Variants in TAF6L observed in about 807,000 individuals in gnomAD.
TAF6L encodes the protein TATA-box binding protein associated factor 6 like, also known as TAF6-like RNA polymerase II p300/CBP-associated factor-associated factor 65 kDa subunit 6L.
In TAF6L, 34 loss-of-function variants were observed where a neutral mutation model predicts 57.3. The observed-to-expected ratio is 0.59, with a 90% confidence interval of 0.45 to 0.79. The LOEUF is 0.79. Among genes scored for constraint, TAF6L ranks in the 30% least tolerant of loss-of-function variants. The probability of loss-of-function intolerance (pLI) is 0.00; values close to 1 mark genes in which losing one functional copy is unlikely to be tolerated. For missense variants in TAF6L, 782 were observed against 853.2 expected, an observed-to-expected ratio of 0.92 and a Z score of 1.04; for synonymous variants, 417 against 376.3, an observed-to-expected ratio of 1.11 and a Z score of -1.25.
Position 62,786,575 on chromosome 11 carries a change from G to C in TAF6L, c.1148G>C (p.Gly383Ala). The change falls in exon 11 of 11, where the codon GGC becomes GCC. Residue 383 changes from glycine (G) to alanine (A), a missense_variant. Physicochemically the swap from Gly to Ala is moderately conservative, Grantham distance 60. Around this residue, in one of 3 missense-constraint regions of TAF6L, gnomAD observed 483 missense variants for 445.1 expected, o/e 1.09. Transcript: ENST00000294168. ...CAGGCAGCAGAGCCCAACAGGGGTGGCCCAGGTGGCAGGGGGTGCCGGCGC... is the reference window on the plus strand; with the variant it reads ...CAGGCAGCAGAGCCCAACAGGGGTGCCCCAGGTGGCAGGGGGTGCCGGCGC... ...KAQAAEPNRG[G>A]PGGRGCRRLD... The C allele has an allele frequency of 6.4e-7, 1 of 1,570,928 alleles. No homozygotes were observed.
In TAF6L at chr11:62,786,319, G is replaced by A. The variant is rs1340823915; in HGVS notation, c.1020G>A (p.Val340=). 3 of 1,614,080 alleles carry A rather than the reference G, an allele frequency of 1.9e-6. No individual in the cohort carries two copies. The highest frequency in any genetic ancestry group is 1.6e-4 in the Middle Eastern group (1 of 6,084). The change falls in exon 10 of 11, where the codon GTG becomes GTA. Residue 340 remains valine (V), a synonymous_variant. Coordinates refer to ENST00000294168, the MANE Select transcript of TAF6L (RefSeq NM_006473.4). ...LSTYWTNLQA[V]LDDYSVSNAQ... ...CCTACTGGACAAACTTGCAGGCTGTGCTGGATGATTATTCAGTATCTAATG... is the reference window on the plus strand; with the variant it reads ...CCTACTGGACAAACTTGCAGGCTGTACTGGATGATTATTCAGTATCTAATG...
At chr11:62,783,935 T>C (rs1473068218) in intron 9 of TAF6L, among the ~76,000 whole-genome samples, 1 of 148,742 alleles carries the variant, frequency 6.7e-6, no homozygotes, top group Non-Finnish European at 1.5e-5. Flanking sequence ...TAAGTTCTAT[T>C]TGTTGCTTTT....
Position 62,786,329 on chromosome 11 carries a change from T to G in TAF6L, c.1030T>G (p.Tyr344Asp), listed in dbSNP as rs1346339751. Residue 344 changes from tyrosine to aspartate, a missense_variant, in exon 10 of 11, where the codon TAT (tyrosine) becomes GAT (aspartate). By Grantham distance (160) the Tyr-to-Asp change is radical (BLOSUM62 -3). This residue lies in a region of TAF6L where 483 missense variants were observed against 445.1 expected (regional missense o/e 1.09). Coordinates refer to ENST00000294168, the MANE Select transcript of TAF6L (RefSeq NM_006473.4). Reference protein sequence around the residue: ...WTNLQAVLDDYSVSNAQVKAD... With the variant: ...WTNLQAVLDDDSVSNAQVKAD... ...AAACTTGCAGGCTGTGCTGGATGAT[T>G]ATTCAGTATCTAATGCCCAGGTCAA... The G allele has an allele frequency of 2.5e-6, 4 of 1,614,196 alleles. No homozygotes were observed. The highest frequency in any genetic ancestry group is 3.4e-6 in the Non-Finnish European group (4 of 1,180,020).
intron 6 of TAF6L, among the ~76,000 whole-genome samples, chr11:62,780,381 G>T (rs1236825731): frequency 4.6e-5 from 7 of 151,822 alleles, no homozygotes; most frequent in African/African-American, 1.7e-4. Context: ...TGTGGTGGTG[G>T]ACGCCTGTAA....
chr11:62,779,770 A>G (rs1284455089), intron 6 of TAF6L, among the ~76,000 whole-genome samples: 1 of 151,014 alleles, frequency 6.6e-6, no homozygotes, highest in Non-Finnish European at 1.5e-5. Flanking sequence ...GGTTCAAGCA[A>G]TTCTCCCACC....
At chr11:62,783,003 C>G (rs538182991) in intron 9 of TAF6L, among the ~76,000 whole-genome samples, 178 bp downstream of exon 9, 1 of 152,224 alleles carries the variant, frequency 6.6e-6, no homozygotes, top group Non-Finnish European at 1.5e-5. Flanking sequence ...CTTATCCTTT[C>G]GAAAGTCCTA....
chr11:62,774,576 T>C (rs1237470655), intron 1 of TAF6L: 1 of 454,632 alleles, frequency 2.2e-6, no homozygotes, highest in South Asian at 1.6e-5. Flanking sequence ...ATGCATCACT[T>C]TGGCGCACGG....
At chr11:62,784,885 T>A (rs1196624233) in intron 9 of TAF6L, among the ~76,000 whole-genome samples, 1 of 152,202 alleles carries the variant, frequency 6.6e-6, no homozygotes, top group Non-Finnish European at 1.5e-5. Flanking sequence ...AAATTAAACA[T>A]GTTTCCTCTC....
At position 62,781,875 on chromosome 11, in the gene TAF6L, T is replaced by C; in HGVS notation, c.532-19T>C. The C allele has an allele frequency of 6.2e-7, 1 of 1,613,020 alleles. No individual in the cohort carries two copies. Among genetic ancestry groups the C allele is most frequent in the Admixed American group, 1.7e-5 (1 of 60,002 alleles). ...CAATTTTCTGGTGGATCCAATGCAG[T>C]CTGGGCCCTTCCTTTTAGGTTGCAC... is the stretch of plus-strand genomic sequence containing the variant. On this transcript the variant is annotated intron_variant, in intron 6 of 10. Coordinates refer to ENST00000294168, the MANE Select transcript of TAF6L (RefSeq NM_006473.4).
intron 9 of TAF6L, among the ~76,000 whole-genome samples, chr11:62,784,858 G>A (rs182224407): frequency 8.5e-5 from 13 of 152,200 alleles, no homozygotes; most frequent in Admixed American, 8.5e-4. Flanking sequence ...TTTTAAAAGG[G>A]TTTATATTCA....
intron 8 of TAF6L, 73 bp downstream of exon 8, chr11:62,782,406 A>C: frequency 1.3e-6 from 2 of 1,501,470 alleles, no homozygotes; most frequent in Non-Finnish European, 1.8e-6. Context: ...AAATGGGGCG[A>C]AGCCTCTGGC....
intron 5 of TAF6L, 39 bp from the exon 6 acceptor site, chr11:62,778,830 C>A (rs912411368): frequency 2.6e-6 from 4 of 1,563,392 alleles, no homozygotes; most frequent in Non-Finnish European, 3.5e-6. Flanking sequence ...AGAGGGCCAG[C>A]TCTCCACCTG....
Position 62,786,288 on chromosome 11 carries a change from T to A in TAF6L, c.989T>A (p.Leu330Gln). 6.2e-7 allele frequency: 1 copy of A among 1,614,132 alleles called. No homozygotes were observed. The highest frequency in any genetic ancestry group is 8.5e-7 in the Non-Finnish European group (1 of 1,179,980). ...KAVERVLYPH[L>Q]STYWTNLQAV... ...GTAGAACGAGTCCTGTACCCACACC[T>A]GTCCACCTACTGGACAAACTTGCAG... Residue 330 changes from leucine (L) to glutamine (Q), a missense_variant, in exon 10 of 11, where the codon CTG (leucine) becomes CAG (glutamine). Physicochemically the swap from Leu to Gln is moderately radical, Grantham distance 113. Coordinates refer to ENST00000294168, the MANE Select transcript of TAF6L (RefSeq NM_006473.4).
intron 9 of TAF6L, 131 bp downstream of exon 9, chr11:62,782,956 C>A (rs1590937046): frequency 7.4e-7 from 1 of 1,351,554 alleles, no homozygotes; most frequent in Non-Finnish European, 1.0e-6. Flanking sequence ...GGCCTTAGGC[C>A]AGGCTCAGTG....
intron 9 of TAF6L, among the ~76,000 whole-genome samples, chr11:62,785,250 G>A (rs2084261647): frequency 6.6e-6 from 1 of 151,314 alleles, no homozygotes; most frequent in Non-Finnish European, 1.5e-5. Context: ...GGAGTGCAAT[G>A]GCGCGACCTC....
intron 9 of TAF6L, among the ~76,000 whole-genome samples, chr11:62,785,046 T>G: frequency 6.6e-6 from 1 of 152,122 alleles, no homozygotes; most frequent in Non-Finnish European, 1.5e-5. Context: ...TCTTCCTACA[T>G]TGCCCAGGCT....
intron 3 of TAF6L, among the ~76,000 whole-genome samples, chr11:62,776,915 G>A (rs1315502678): frequency 2.0e-5 from 3 of 151,866 alleles, no homozygotes; most frequent in Non-Finnish European, 4.4e-5. Flanking sequence ...TTGGGAGGTG[G>A]AGGCCGGCGG....
intron 6 of TAF6L, 70 bp downstream of exon 6, chr11:62,779,033 T>C: frequency 7.0e-7 from 1 of 1,421,052 alleles, no homozygotes; most frequent in Non-Finnish European, 9.9e-7. Context: ...TTTTTTTTTT[T>C]TTTTGAGACA....
chr11:62,776,449 C>G lies in TAF6L; in HGVS notation c.213C>G (p.Ala71=), dbSNP rs779605592. 1.9e-6 allele frequency: 3 copies of G among 1,613,708 alleles called. No homozygotes were observed. The highest frequency in any genetic ancestry group is 2.5e-6 in the Non-Finnish European group (3 of 1,179,746). ...TGACGGTTGAGGACTTCAACAGGGC[C>G]CTCAGATGGAGCAGCGTGGAGGTGA... The part of the protein sequence containing the change: ...RKLTVEDFNR[A]LRWSSVEAVC... Residue 71 remains alanine, a synonymous_variant, in exon 3 of 11, where the codon GCC becomes GCG. Coordinates refer to ENST00000294168, the MANE Select transcript of TAF6L (RefSeq NM_006473.4).
Sources: gnomAD v4.1 joint callset for allele counts (sites outside exome capture counted in the v4.1 genomes callset) on GRCh38, gnomAD v4.1.1 for gene constraint, gnomAD v4.1.1 regional missense constraint, MANE v1.5 for transcripts, NCBI Gene and HGNC (gene_info 2026-07-23, HGNC 2026-07-21) for gene names.